Variants in TNRC18 observed in about 807,000 individuals in gnomAD.
The protein encoded by TNRC18 is trinucleotide repeat-containing gene 18 protein.
TNRC18 carries 69 observed loss-of-function variants against 226.7 expected under a neutral mutation model. The ratio of observed to expected loss-of-function variants is 0.30; its 90% CI spans 0.25 to 0.37. The LOEUF is 0.37. Ranked by LOEUF, TNRC18 falls within the 10% of genes least tolerant of loss-of-function variation. The pLI is 1.00. For missense variants in TNRC18, 4,754 were observed against 4,256.6 expected (o/e 1.12, Z -3.25); for synonymous variants, 2,449 against 1,927.6 (o/e 1.27, Z -7.09).
chr7:5,334,719 T>G (rs1327792049), intron 18 of TNRC18, among the ~76,000 whole-genome samples: 3 of 152,012 alleles, frequency 2.0e-5, no homozygotes, highest in Non-Finnish European at 4.4e-5. Flanking sequence ...TACCACCCCG[T>G]AACAGTCCCC....
intron 18 of TNRC18, among the ~76,000 whole-genome samples, chr7:5,344,241 G>A (rs1790947294): frequency 6.6e-6 from 1 of 152,230 alleles, no homozygotes; most frequent in African/African-American, 2.4e-5. Context: ...AGCAATCAGA[G>A]TCTGATGGTG....
chr7:5,375,808 C>T (rs1794614446), intron 9 of TNRC18, among the ~76,000 whole-genome samples: 1 of 152,208 alleles, frequency 6.6e-6, no homozygotes. Context: ...CCCTGCCAAT[C>T]TCCATCTGCC....
chr7:5,345,517 G>GGGGGGGGGACCCCCC, intron 18 of TNRC18, 45 bp downstream of exon 18: 1 of 377,744 alleles, frequency 2.6e-6, no homozygotes, highest in East Asian at 4.6e-5. Context: ...AATGGCGTCC[G>GGGGGGGGGACCCCCC]CCCCTCCCAC....
rs1255885628 is a variant in TNRC18 at position 5,313,289 on chromosome 7, C to T, written c.7602G>A (p.Thr2534=). 81 of 1,548,370 alleles carry T rather than the reference C, an allele frequency of 5.2e-5. No individual in the cohort carries two copies. Among genetic ancestry groups the T allele is most frequent in the Non-Finnish European group, 6.5e-5 (74 of 1,146,616 alleles). The part of the protein sequence containing the change: ...DLAQEPGPGL[T]FEDSGNPKSP... ...TCTTGGGGTTCCCAGAGTCCTCGAA[C>T]GTGAGCCCCGGCCCGGGCTCCTGGG... Residue 2534 remains threonine (T), a synonymous_variant, in exon 27 of 30, where the codon ACG becomes ACA. Transcript: ENST00000430969.
intron 2 of TNRC18, among the ~76,000 whole-genome samples, chr7:5,398,095 A>G (rs565250709): frequency 6.6e-6 from 1 of 151,844 alleles, no homozygotes; most frequent in Non-Finnish European, 1.5e-5. Context: ...CCAACTCCTG[A>G]GCTCAATCAA....
chr7:5,338,774 G>C (rs1338531436), intron 18 of TNRC18, among the ~76,000 whole-genome samples: 1 of 151,162 alleles, frequency 6.6e-6, no homozygotes, highest in Admixed American at 6.6e-5. Flanking sequence ...TACAAAATTA[G>C]CCAGGCATGG....
At chr7:5,383,071 A>T (rs577241561) in intron 5 of TNRC18, among the ~76,000 whole-genome samples, 38 of 141,396 alleles carry the variant, frequency 2.7e-4, no homozygotes, top group African/African-American at 1.1e-3. Context: ...ATTTATTTTT[A>T]TTTTTATTTT....
intron 1 of TNRC18, among the ~76,000 whole-genome samples, 183 bp from the exon 2 acceptor site, chr7:5,421,672 T>A (rs1389814958): frequency 6.6e-6 from 1 of 152,176 alleles, no homozygotes; most frequent in Admixed American, 6.5e-5. Flanking sequence ...TCCAAACTCC[T>A]TCCGCCGGCG....
intron 5 of TNRC18, among the ~76,000 whole-genome samples, chr7:5,386,968 G>C (rs1178018857): frequency 6.6e-6 from 1 of 152,280 alleles, no homozygotes; most frequent in African/African-American, 2.4e-5. Flanking sequence ...CAGCTACTCT[G>C]GAGGCTGAGC....
At position 5,371,198 on chromosome 7, in the gene TNRC18, G is replaced by A. The variant is rs1794123494; in HGVS notation, c.3396C>T (p.Pro1132=). 6 of 1,605,042 alleles carry A rather than the reference G, an allele frequency of 3.7e-6. No individual in the cohort carries two copies. In the African/African-American group the frequency reaches 4.0e-5, roughly 11 times the overall value. The change falls in exon 11 of 30, where the codon CCC becomes CCT. Residue 1132 remains proline, a synonymous_variant. Transcript: ENST00000430969. Reference sequence around the variant, plus strand: ...TGATCTTGGAGGGGGACAAGCGGATGGGCTTGTCTTCGGGTGAGAGTGCCA... The same window carrying A: ...TGATCTTGGAGGGGGACAAGCGGATAGGCTTGTCTTCGGGTGAGAGTGCCA... ...ERLALSPEDK[P]IRLSPSKITE...
At chr7:5,361,539 G>A in intron 14 of TNRC18, 55 bp downstream of exon 14, 1 of 1,437,900 alleles carries the variant, frequency 7.0e-7, no homozygotes, top group East Asian at 2.7e-5. Flanking sequence ...TGGGGCCCGG[G>A]CTCCTCCCCT....
chr7:5,324,221 C>G lies in TNRC18; in HGVS notation c.6435G>C (p.Leu2145=). The part of the protein sequence containing the change: ...LPRGGAVERP[L]TPAPRSCIID... ...GGCATCACGGCCACTCACCCGGGGTCAGCGGCCGCTCCACAGCCCCGCCAC... is the reference window on the plus strand; with the variant it reads ...GGCATCACGGCCACTCACCCGGGGTGAGCGGCCGCTCCACAGCCCCGCCAC... The change falls in exon 21 of 30, where the codon CTG becomes CTC. Residue 2145 remains leucine (L), a synonymous_variant. Coordinates refer to ENST00000430969, the MANE Select transcript of TNRC18 (RefSeq NM_001080495.3). This position sits in a 1 kb window ranked among gnomAD's most constrained non-coding sequence, Gnocchi z 4.8. The G allele has an allele frequency of 6.2e-7, 1 of 1,604,238 alleles. No individual in the cohort carries two copies. The highest frequency in any genetic ancestry group is 8.5e-7 in the Non-Finnish European group (1 of 1,176,988).
chr7:5,325,758 A>G (rs1395758537), intron 19 of TNRC18, among the ~76,000 whole-genome samples: 1 of 123,822 alleles, frequency 8.1e-6, no homozygotes, highest in African/African-American at 3.2e-5. Flanking sequence ...TTTTTTAGAG[A>G]CAAGGTCTCG....
At chr7:5,365,735 T>G (rs368209201) in intron 11 of TNRC18, among the ~76,000 whole-genome samples, 1 of 152,108 alleles carries the variant, frequency 6.6e-6, no homozygotes, top group Non-Finnish European at 1.5e-5. Context: ...ATTGCAGACG[T>G]GAGCCACCAT....
At chr7:5,415,061 C>T (rs1782090204) in intron 2 of TNRC18, among the ~76,000 whole-genome samples, 1 of 152,146 alleles carries the variant, frequency 6.6e-6, no homozygotes, top group Non-Finnish European at 1.5e-5. Flanking sequence ...CCACTTAAAA[C>T]CCTCCACTGC....
intron 18 of TNRC18, among the ~76,000 whole-genome samples, chr7:5,340,169 G>C (rs899723259): frequency 6.6e-6 from 1 of 152,216 alleles, no homozygotes; most frequent in Non-Finnish European, 1.5e-5. Flanking sequence ...CAAACTGCCA[G>C]GCTGTGAATG....
Position 5,333,003 on chromosome 7 carries a change from G to A in TNRC18, c.5766C>T (p.Arg1922=), listed in dbSNP as rs766729614. The change falls in exon 19 of 30, where the codon CGC becomes CGT. Residue 1922 remains arginine (R), a synonymous_variant. Coordinates refer to ENST00000430969, the MANE Select transcript of TNRC18 (RefSeq NM_001080495.3). ...YTDSESEVKV[R]KRSPAGLLRP... ...GCAGCAGCCCCGCAGGCGACCGCTT[G>A]CGCACCTTGACCTCGCTCTCTGAGT... 6.3e-7 allele frequency: 1 copy of A among 1,576,750 alleles called. No homozygotes were observed. The highest frequency in any genetic ancestry group is 1.1e-5 in the South Asian group (1 of 87,346).
At chr7:5,403,200 G>GCCCA (rs1258747881) in intron 2 of TNRC18, among the ~76,000 whole-genome samples, 2 of 147,464 alleles carry the variant, frequency 1.4e-5, no homozygotes, top group Admixed American at 1.4e-4. Flanking sequence ...TTCACTTGTT[G>GCCCA]CCCAGGCTGG....
intron 2 of TNRC18, chr7:5,420,266 G>C (rs1421985891): frequency 7.7e-6 from 3 of 391,272 alleles, no homozygotes; most frequent in South Asian, 1.8e-5. Context: ...CCAGCAGCTC[G>C]ATGTGAGACC....
Sources: gnomAD v4.1 joint callset for allele counts (sites outside exome capture counted in the v4.1 genomes callset) on GRCh38, gnomAD v4.1.1 for gene constraint, Gnocchi (gnomAD v3.1) non-coding constraint, MANE v1.5 for transcripts, NCBI Gene and HGNC (gene_info 2026-07-23, HGNC 2026-07-21) for gene names.